TMEM178B: variants seen among roughly 807,000 people sequenced by gnomAD.
TMEM178B encodes the protein transmembrane protein 178B.
A neutral mutation model predicts 31.0 loss-of-function variants in TMEM178B; 5 were observed. The ratio of observed to expected loss-of-function variants is 0.16; its 90% CI spans 0.08 to 0.34. The LOEUF is 0.34. Among genes scored for constraint, TMEM178B ranks in the 10% least tolerant of loss-of-function variants. TMEM178B has a pLI of 1.00. For synonymous variants in TMEM178B, 164 were observed against 164.0 expected, an observed-to-expected ratio of 1.00 and a Z score of 0.00; for missense variants, 275 against 400.3, an observed-to-expected ratio of 0.69 and a Z score of 2.67.
At chr7:141,110,102 G>A (rs1795210633) in intron 1 of TMEM178B, among the ~76,000 whole-genome samples, 1 of 152,254 alleles carries the variant, frequency 6.6e-6, no homozygotes, top group South Asian at 2.1e-4. Flanking sequence ...AGTAATGATT[G>A]GATTTTAGCA....
chr7:141,158,051 C>G (rs1796103409), intron 1 of TMEM178B, among the ~76,000 whole-genome samples: 1 of 152,196 alleles, frequency 6.6e-6, no homozygotes, highest in South Asian at 2.1e-4. Flanking sequence ...GCAACAGTCT[C>G]TTTCTCTTTA....
At chr7:141,223,342 T>C (rs922628078) in intron 2 of TMEM178B, among the ~76,000 whole-genome samples, 1 of 152,104 alleles carries the variant, frequency 6.6e-6, no homozygotes, top group Admixed American at 6.5e-5. Flanking sequence ...TAGATTGGAT[T>C]ATGGGATTAT....
chr7:141,258,079 A>G (rs1797956567), intron 2 of TMEM178B, among the ~76,000 whole-genome samples: 1 of 151,722 alleles, frequency 6.6e-6, no homozygotes, highest in Non-Finnish European at 1.5e-5. Context: ...TCAGATTAAT[A>G]CTAATTTAAT....
In TMEM178B at chr7:141,377,759, TCTA is replaced by T. The variant is rs1461149202; in HGVS notation, c.497-59846_497-59844del. Among the ~76,000 whole-genome samples, 18 of 152,328 alleles carry T rather than the reference TCTA, an allele frequency of 1.2e-4. 1 individual carries two copies. The highest frequency in any genetic ancestry group is 4.3e-4 in the African/African-American group (18 of 41,578). ...ATTAAGATTTCATTTTATATGATGA[TCTA>T]CTGGTTCTTTTGGAAGTTGAGTACT... is the stretch of plus-strand genomic sequence containing the variant. On this transcript the variant is annotated intron_variant, in intron 2 of 3. Transcript: ENST00000565468.
intron 1 of TMEM178B, among the ~76,000 whole-genome samples, chr7:141,154,207 C>G (rs976614697): frequency 3.1e-4 from 47 of 152,364 alleles, no homozygotes; most frequent in African/African-American, 1.1e-3. Flanking sequence ...GAGGAAAATT[C>G]TTTAGACAAG....
Position 141,074,205 on chromosome 7 carries a change from C to G in TMEM178B, c.-106C>G. On this transcript the variant is annotated 5_prime_UTR_variant, in exon 1 of 4. Transcript: ENST00000565468. The surrounding 1 kb of genome is among the most constrained non-coding windows in gnomAD (Gnocchi z 5.1). ...GGGGCGCCGCGGCGCGAGTCCCTCT[C>G]CTGCCCCCTCCCCCAGCTCGGCCGC... The G allele has an allele frequency of 7.0e-7, 1 of 1,421,342 alleles. No individual in the cohort carries two copies. The highest frequency in any genetic ancestry group is 9.2e-7 in the Non-Finnish European group (1 of 1,087,680). The allele number at this position is 1,421,342 out of a possible 1,614,324, so 88.0% of individuals were successfully genotyped here. A position where few individuals can be genotyped will look rare whatever the true frequency, so the allele number is the denominator to read the frequency against.
At chr7:141,463,980 G>A (rs1436387738) in intron 3 of TMEM178B, among the ~76,000 whole-genome samples, 1 of 152,156 alleles carries the variant, frequency 6.6e-6, no homozygotes, top group Admixed American at 6.5e-5. Context: ...AATACCACTG[G>A]CTACTCTTTG....
chr7:141,320,086 C>T (rs1799072190), intron 2 of TMEM178B, among the ~76,000 whole-genome samples: 1 of 152,050 alleles, frequency 6.6e-6, no homozygotes, highest in South Asian at 2.1e-4. Context: ...CTCATGAGAT[C>T]TGATGGTTTA....
chr7:141,468,123 G>A (rs1340571478), intron 3 of TMEM178B, among the ~76,000 whole-genome samples: 1 of 152,086 alleles, frequency 6.6e-6, no homozygotes, highest in Non-Finnish European at 1.5e-5. Context: ...TTCTTCCTCT[G>A]GATCTGGGCT....
chr7:141,506,704 CAT>C, the TMEM178B span, among the ~76,000 whole-genome samples: 7 of 152,154 alleles, frequency 4.6e-5, no homozygotes, highest in African/African-American at 1.7e-4. Flanking sequence ...CAAAACCAAT[CAT>C]GCCTTCCCAA....
At chr7:141,343,115 C>T (rs1370276914) in intron 2 of TMEM178B, among the ~76,000 whole-genome samples, 2 of 152,220 alleles carry the variant, frequency 1.3e-5, no homozygotes, top group African/African-American at 4.8e-5. Context: ...CCAAGCGATG[C>T]TCACGCTGCT....
chr7:141,225,750 A>G (rs1242034584), intron 2 of TMEM178B, among the ~76,000 whole-genome samples: 1 of 152,218 alleles, frequency 6.6e-6, no homozygotes, highest in Admixed American at 6.5e-5. Flanking sequence ...AACTCCCATG[A>G]TGAACGTTCA....
chr7:141,313,403 C>A (rs1306594843), intron 2 of TMEM178B, among the ~76,000 whole-genome samples: 6 of 152,166 alleles, frequency 3.9e-5, no homozygotes, highest in Non-Finnish European at 7.3e-5. Context: ...CTCTCTTGCT[C>A]TCCCCATGTT....
chr7:141,191,442 A>C (rs954626130), intron 1 of TMEM178B, among the ~76,000 whole-genome samples: 4 of 152,364 alleles, frequency 2.6e-5, no homozygotes, highest in Admixed American at 2.6e-4. Flanking sequence ...AGAGAGGCTG[A>C]ACAAATTTAT....
chr7:141,268,764 A>G (rs1238674986), intron 2 of TMEM178B, among the ~76,000 whole-genome samples: 1 of 152,240 alleles, frequency 6.6e-6, no homozygotes, highest in Non-Finnish European at 1.5e-5. Flanking sequence ...AGCACAATTA[A>G]AACAGTGGCT....
rs149609612 is a variant in TMEM178B, at chr7:141,344,594, T to C, written c.497-93014T>C. Among the ~76,000 whole-genome samples, 25 of 131,634 alleles carry C rather than the reference T, an allele frequency of 1.9e-4. No homozygotes were observed. In the South Asian group the frequency reaches 5.1e-3, roughly 27 times the overall value. 86.4% of individuals were successfully genotyped at this position (131,634 alleles called of 152,430 possible). On this transcript the variant is annotated intron_variant, in intron 2 of 3. Transcript: ENST00000565468. This position sits in a 1 kb window ranked among gnomAD's most constrained non-coding sequence, Gnocchi z 4.1. Reference sequence around the variant, plus strand: ...CTCCTCCCTTCCTTCCTTCCTTCCTTCCTTCCTTCCTTCCTTCCTTCCTTC... The same window carrying C: ...CTCCTCCCTTCCTTCCTTCCTTCCTCCCTTCCTTCCTTCCTTCCTTCCTTC...
chr7:141,343,522 C>A (rs1433228856), intron 2 of TMEM178B, among the ~76,000 whole-genome samples: 5 of 138,844 alleles, frequency 3.6e-5, no homozygotes, highest in Non-Finnish European at 7.6e-5. Context: ...GTGATGGGAG[C>A]ACCTTTTTTT....
In TMEM178B at chr7:141,422,192, G is replaced by A. The variant is rs1338632647; in HGVS notation, c.497-15416G>A. Among the ~76,000 whole-genome samples, 1 of 152,178 alleles carries A rather than the reference G, an allele frequency of 6.6e-6. No individual in the cohort carries two copies. Among genetic ancestry groups the A allele is most frequent in the East Asian group, 1.9e-4 (1 of 5,194 alleles). ...GGCTGCGGTTGGTGAAAGGAGGACA[G>A]GTAAAAGGCCAAGGCTCTGACTTGC... On this transcript the variant is annotated intron_variant, in intron 2 of 3. Transcript: ENST00000565468. The surrounding 1 kb of genome is among the most constrained non-coding windows in gnomAD (Gnocchi z 4.2).
chr7:141,347,708 C>T (rs943622354), intron 2 of TMEM178B, among the ~76,000 whole-genome samples: 1 of 152,012 alleles, frequency 6.6e-6, no homozygotes, highest in African/African-American at 2.4e-5. Context: ...CTCTCCACAT[C>T]TCCCCCACCC....
Sources: gnomAD v4.1 joint callset for allele counts (sites outside exome capture counted in the v4.1 genomes callset) on GRCh38, gnomAD v4.1.1 for gene constraint, Gnocchi (gnomAD v3.1) non-coding constraint, MANE v1.5 for transcripts, NCBI Gene and HGNC (gene_info 2026-07-23, HGNC 2026-07-21) for gene names.